The following CHID1 variants were observed in gnomAD, a reference collection of about 807,000 sequenced individuals.
The protein encoded by CHID1 is chitinase domain containing 1, also known as chitinase domain-containing protein 1.
CHID1 carries 44 observed loss-of-function variants against 55.4 expected under a neutral mutation model. The observed-to-expected ratio is 0.79, with a 90% CI of 0.62 to 1.02. The LOEUF is 1.02. Among genes scored for constraint, CHID1 ranks in the 50% least tolerant of loss-of-function variants. CHID1 has a pLI of 0.00. For missense variants in CHID1, 491 were observed against 515.3 expected, an observed-to-expected ratio of 0.95 and a Z score of 0.46; for synonymous variants, 216 against 212.9, an observed-to-expected ratio of 1.01 and a Z score of -0.13.
At chr11:879,812 G>A (rs957957385) in intron 10 of CHID1, among the ~76,000 whole-genome samples, 4 of 152,244 alleles carry the variant, frequency 2.6e-5, no homozygotes, top group African/African-American at 9.6e-5. Flanking sequence ...GGTGCATGGG[G>A]AGGCCTCTTG....
chr11:870,296 C>T (rs747884174), intron 11 of CHID1, 123 bp downstream of exon 11: 523 of 1,386,026 alleles, frequency 3.8e-4, no homozygotes, highest in Non-Finnish European at 5.1e-4. Flanking sequence ...GCTCCAGGGC[C>T]GGGAGCAGCA....
chr11:890,694 C>G (rs188208774), intron 8 of CHID1, among the ~76,000 whole-genome samples: 4 of 152,308 alleles, frequency 2.6e-5, no homozygotes, highest in Middle Eastern at 3.4e-3. Flanking sequence ...GCCTGTTGGT[C>G]CCACTGGCCT....
At chr11:900,822 T>A in intron 5 of CHID1, 114 bp downstream of exon 5, 1 of 853,812 alleles carries the variant, frequency 1.2e-6, no homozygotes, top group Admixed American at 3.0e-5. Flanking sequence ...CAAAGTAACC[T>A]GTGCCGCAGC....
In CHID1 at chr11:903,695, C is replaced by T. The variant is rs921706997; in HGVS notation, c.112-584G>A. On this transcript the variant is annotated intron_variant, in intron 2 of 12. Coordinates refer to ENST00000323578, the MANE Select transcript of CHID1 (RefSeq NM_023947.4). ...ACTCGGGAGGCTGAAGCAGGAGAAT[C>T]GCTTGAACCTGGGTGGCAGAGGTTG... 2.3e-5 allele frequency: 5 copies of T among 221,294 alleles called. No individual in the cohort carries two copies. The East Asian group carries it at 5.2e-4, about 23-fold the overall frequency. 13.7% of individuals were successfully genotyped at this position (221,294 alleles called of 1,614,324 possible). A position where few individuals can be genotyped will look rare whatever the true frequency, so the allele number is the denominator to read the frequency against.
intron 4 of CHID1, among the ~76,000 whole-genome samples, chr11:901,968 T>C (rs1851841354): frequency 6.6e-6 from 1 of 152,066 alleles, no homozygotes; most frequent in Non-Finnish European, 1.5e-5. Context: ...CACTTAGACA[T>C]GTCCACACCG....
upstream of CHID1, chr11:914,602 C>T: frequency 7.8e-7 from 1 of 1,284,468 alleles, no homozygotes; most frequent in South Asian, 1.2e-5. Context: ...GGAGTGGTGG[C>T]TCACGCCGTA....
At chr11:902,917 C>T (rs373588309) in intron 3 of CHID1, 45 bp downstream of exon 3, 2 of 1,590,268 alleles carry the variant, frequency 1.3e-6, no homozygotes, top group African/African-American at 1.3e-5. Flanking sequence ...GGCAGCCCAC[C>T]TGAGCCTCAG....
chr11:890,343 G>A (rs1230597749), intron 8 of CHID1, among the ~76,000 whole-genome samples: 1 of 152,252 alleles, frequency 6.6e-6, no homozygotes, highest in African/African-American at 2.4e-5. Flanking sequence ...TGCTTGCTGG[G>A]GATACGGTGA....
At chr11:909,683 A>G (rs775907912) in intron 1 of CHID1, among the ~76,000 whole-genome samples, 1 of 152,260 alleles carries the variant, frequency 6.6e-6, no homozygotes, top group Non-Finnish European at 1.5e-5. Context: ...CGATGGACGC[A>G]CTGACAACTC....
rs1435628442 is a variant in CHID1 at position 904,823 on chromosome 11, T to A, written c.-7A>T. The A allele has an allele frequency of 1.2e-6, 2 of 1,613,646 alleles. No individual in the cohort carries two copies. Reference sequence around the variant, plus strand: ...GGTTGAAGAGTGTCCGCATGGTAGGTGTGTCACAGTAGGGTCCAACCTCGG... The same window carrying A: ...GGTTGAAGAGTGTCCGCATGGTAGGAGTGTCACAGTAGGGTCCAACCTCGG... On this transcript the variant is annotated 5_prime_UTR_variant, in exon 2 of 13. Transcript: ENST00000323578.
chr11:895,246 G>A (rs544101576), intron 7 of CHID1, among the ~76,000 whole-genome samples: 7 of 152,276 alleles, frequency 4.6e-5, no homozygotes, highest in Non-Finnish European at 1.0e-4. Flanking sequence ...CAGCTCCCCA[G>A]GATGGTGGTG....
intron 1 of CHID1, among the ~76,000 whole-genome samples, chr11:905,128 C>G (rs1329499718): frequency 6.6e-6 from 1 of 152,234 alleles, no homozygotes; most frequent in African/African-American, 2.4e-5. Flanking sequence ...AGAACCCTCC[C>G]CTCACAGCCC....
chr11:876,282 T>TGAGC lies in CHID1; in HGVS notation c.960-5787_960-5784dup, dbSNP rs199906121. On this transcript the variant is annotated intron_variant, in intron 10 of 12. Transcript: ENST00000323578. ...CTCACCCTGTGCACGTTGCAGGCAG[T>TGAGC]GAGCCCTTGGGCTGGATTTGGTGTC... Among the ~76,000 whole-genome samples the TGAGC allele has an allele frequency of 1.4e-3, 215 of 152,316 alleles. 4 individuals carry two copies. In the East Asian group the frequency reaches 0.038, roughly 27 times the overall value.
At chr11:902,722 C>T (rs1157510048) in intron 3 of CHID1, among the ~76,000 whole-genome samples, 1 of 152,186 alleles carries the variant, frequency 6.6e-6, no homozygotes, top group African/African-American at 2.4e-5. Context: ...GAGCCCACCT[C>T]TGGATTCAGG....
chr11:886,023 C>A (rs1850366517), intron 8 of CHID1, among the ~76,000 whole-genome samples: 1 of 152,014 alleles, frequency 6.6e-6, no homozygotes, highest in Non-Finnish European at 1.5e-5. Flanking sequence ...GTGGTGGGCG[C>A]CTGTAGTCCC....
chr11:892,200 C>G (rs1193193165), intron 8 of CHID1, among the ~76,000 whole-genome samples: 1 of 152,218 alleles, frequency 6.6e-6, no homozygotes, highest in Non-Finnish European at 1.5e-5. Context: ...TGGACTTGGG[C>G]CCGTTATTGC....
intron 10 of CHID1, among the ~76,000 whole-genome samples, chr11:881,376 C>T (rs1266241517): frequency 6.6e-6 from 1 of 151,986 alleles, no homozygotes; most frequent in Non-Finnish European, 1.5e-5. Flanking sequence ...CCACGTCGGG[C>T]GGTAGGCTGG....
At chr11:900,890 G>A (rs750548032) in intron 5 of CHID1, 46 bp downstream of exon 5, 93 of 1,550,500 alleles carry the variant, frequency 6.0e-5, no homozygotes, top group Middle Eastern at 1.8e-4. Flanking sequence ...GTCCACCCCC[G>A]CAGTTTGAGC....
intron 8 of CHID1, among the ~76,000 whole-genome samples, chr11:886,142 C>CAAT (rs1408361497): frequency 4.1e-5 from 5 of 121,116 alleles, no homozygotes; most frequent in South Asian, 3.0e-4. Flanking sequence ...CAAAGCAAGA[C>CAAT]TCCGTCTCAA....
Sources: gnomAD v4.1 joint callset for allele counts (sites outside exome capture counted in the v4.1 genomes callset) on GRCh38, gnomAD v4.1.1 for gene constraint, MANE v1.5 for transcripts, NCBI Gene and HGNC (gene_info 2026-07-23, HGNC 2026-07-21) for gene names.